APBB1IP: variants seen among roughly 807,000 people sequenced by gnomAD.
APBB1IP encodes the protein amyloid beta precursor protein binding family B member 1 interacting protein.
A neutral mutation model predicts 64.9 loss-of-function variants in APBB1IP; 27 were observed. The observed-to-expected ratio is 0.42, with a 90% CI of 0.31 to 0.57. APBB1IP has a LOEUF of 0.57. APBB1IP is among the 20% of genes least tolerant of loss of function. The pLI is 0.20. For missense variants in APBB1IP, 812 were observed against 845.5 expected, an observed-to-expected ratio of 0.96 and a Z score of 0.49; for synonymous variants, 392 against 331.0, an observed-to-expected ratio of 1.18 and a Z score of -2.00.
chr10:26,478,028 C>T (rs1304432118), intron 2 of APBB1IP, among the ~76,000 whole-genome samples: 1 of 152,212 alleles, frequency 6.6e-6, no homozygotes, highest in Non-Finnish European at 1.5e-5. Flanking sequence ...GAGAATCCAA[C>T]AGTGAACAAA....
chr10:26,547,055 A>T (rs893781892), intron 11 of APBB1IP, among the ~76,000 whole-genome samples: 2 of 152,152 alleles, frequency 1.3e-5, no homozygotes, highest in South Asian at 2.1e-4. Context: ...CCTTGTCAGC[A>T]TTTGCTATTT....
intron 11 of APBB1IP, among the ~76,000 whole-genome samples, chr10:26,555,603 T>C (rs1187184202): frequency 1.3e-5 from 2 of 152,168 alleles, no homozygotes; most frequent in African/African-American, 4.8e-5. Context: ...TTTTTGTTGT[T>C]TTTTTGTTTG....
chr10:26,499,438 G>C (rs10764626), intron 4 of APBB1IP, among the ~76,000 whole-genome samples: 43,882 of 152,012 alleles, frequency 0.29, 6,607 homozygotes, highest in East Asian at 0.55. Context: ...AGCATTACTG[G>C]AATATGCTGT....
chr10:26,504,863 T>C (rs1249407078), intron 6 of APBB1IP, among the ~76,000 whole-genome samples: 2 of 152,080 alleles, frequency 1.3e-5, no homozygotes, highest in African/African-American at 4.8e-5. Flanking sequence ...CAAGCAATCC[T>C]CCTCCCTCAG....
intron 7 of APBB1IP, 87 bp downstream of exon 7, chr10:26,511,993 T>C: frequency 7.1e-7 from 1 of 1,401,724 alleles, no homozygotes. Flanking sequence ...TTTTTTTCTC[T>C]TTAATTTTAT....
chr10:26,556,348 C>T (rs1486951825), intron 11 of APBB1IP, among the ~76,000 whole-genome samples: 1 of 152,210 alleles, frequency 6.6e-6, no homozygotes, highest in Non-Finnish European at 1.5e-5. Flanking sequence ...ATTTCTGCAT[C>T]ACCAAGGGAG....
intron 2 of APBB1IP, among the ~76,000 whole-genome samples, chr10:26,483,930 GTCTTT>G (rs974808393): frequency 6.6e-6 from 1 of 151,808 alleles, no homozygotes; most frequent in Non-Finnish European, 1.5e-5. Flanking sequence ...ATTCTGTTTT[GTCTTT>G]TCTTTTCATT....
intron 2 of APBB1IP, among the ~76,000 whole-genome samples, chr10:26,443,442 C>T (rs756942175): frequency 8.4e-6 from 1 of 118,644 alleles, no homozygotes; most frequent in Non-Finnish European, 1.7e-5. Context: ...AGCGAAACTC[C>T]ATCTCAAAAA....
At chr10:26,483,135 C>T (rs1330280554) in intron 2 of APBB1IP, among the ~76,000 whole-genome samples, 3 of 119,938 alleles carry the variant, frequency 2.5e-5, no homozygotes, top group Admixed American at 2.5e-4. Flanking sequence ...TACTAGGATA[C>T]AAACATTTTT....
Position 26,567,336 on chromosome 10 carries a change from G to A in APBB1IP, c.1849G>A (p.Ala617Thr), listed in dbSNP as rs7903226. The change falls in exon 15 of 15, where the codon GCC (alanine) becomes ACC (threonine). Residue 617 changes from alanine to threonine, a missense_variant. By Grantham distance (58) the Ala-to-Thr change is moderately conservative. Transcript: ENST00000376236. ...CGCGCCCGCCCCCGTCCCCGACTCC[G>A]CCAGGCCGCCCCCCGCGGTGGCCAA... ...APAPAPVPDS[A>T]RPPPAVAKRP... 8,959 of 1,380,342 alleles carry A rather than the reference G, an allele frequency of 6.5e-3. 489 individuals carry two copies. In the African/African-American group the frequency reaches 0.12, roughly 18 times the overall value. The allele number at this position is 1,380,342 out of a possible 1,614,324, so 85.5% of individuals were successfully genotyped here.
At chr10:26,566,908 T>C in intron 14 of APBB1IP, 53 bp from the exon 15 acceptor site, 1 of 1,497,834 alleles carries the variant, frequency 6.7e-7, no homozygotes, top group Non-Finnish European at 8.8e-7. Context: ...AACAATAAAT[T>C]TAAAATTTCA....
At chr10:26,462,270 A>G (rs937993232) in intron 2 of APBB1IP, among the ~76,000 whole-genome samples, 1 of 152,210 alleles carries the variant, frequency 6.6e-6, no homozygotes, top group African/African-American at 2.4e-5. Context: ...GTTAAGGACA[A>G]CCAAAACAAA....
chr10:26,490,025 A>G (rs1003433961), intron 2 of APBB1IP, among the ~76,000 whole-genome samples: 1 of 152,176 alleles, frequency 6.6e-6, no homozygotes, highest in Non-Finnish European at 1.5e-5. Flanking sequence ...ACTCCATCTC[A>G]AAAGAAGAAG....
chr10:26,511,748 T>A lies in APBB1IP; in HGVS notation c.533T>A (p.Leu178His), dbSNP rs1836262852. The change falls in exon 7 of 15, where the codon CTC becomes CAC. Residue 178 changes from leucine (L) to histidine (H), a missense_variant and splice_region_variant. Transcript: ENST00000376236. ...GCTGCCCCATGGTTCTATCCTCAGC[T>A]CGTCGTCAAGGTGCACATGAATGAT... The part of the protein sequence containing the change: ...EKLKEAKVKK[L>H]VVKVHMNDNS... The A allele has an allele frequency of 6.2e-7, 1 of 1,614,162 alleles. No homozygotes were observed.
At chr10:26,536,763 G>A (rs1414471510) in intron 10 of APBB1IP, among the ~76,000 whole-genome samples, 1 of 128,786 alleles carries the variant, frequency 7.8e-6, no homozygotes, top group Admixed American at 1.0e-4. Context: ...ATGCCACCAT[G>A]CCCAGCTGAT....
chr10:26,533,725 G>A (rs984066363), intron 9 of APBB1IP, among the ~76,000 whole-genome samples, 200 bp downstream of exon 9: 1 of 152,066 alleles, frequency 6.6e-6, no homozygotes. Context: ...GTTACAACAT[G>A]TGGCTTTAGA....
At chr10:26,480,620 CTTTTT>C (rs535190399) in intron 2 of APBB1IP, among the ~76,000 whole-genome samples, 12 of 83,952 alleles carry the variant, frequency 1.4e-4, no homozygotes, top group African/African-American at 4.9e-4. Flanking sequence ...TGAGCTGCTT[CTTTTT>C]TTTTTTTTTT....
chr10:26,506,738 C>T (rs994022225), intron 6 of APBB1IP, among the ~76,000 whole-genome samples: 4 of 152,192 alleles, frequency 2.6e-5, no homozygotes, highest in African/African-American at 7.2e-5. Flanking sequence ...AATGCATCCC[C>T]ATCTCTTAGA....
At chr10:26,528,541 A>G (rs904086762) in intron 8 of APBB1IP, among the ~76,000 whole-genome samples, 1 of 152,086 alleles carries the variant, frequency 6.6e-6, no homozygotes, top group African/African-American at 2.4e-5. Flanking sequence ...GAATTTTTGT[A>G]GTCTCTTATA....
Sources: gnomAD v4.1 joint callset for allele counts (sites outside exome capture counted in the v4.1 genomes callset) on GRCh38, gnomAD v4.1.1 for gene constraint, MANE v1.5 for transcripts, NCBI Gene and HGNC (gene_info 2026-07-23, HGNC 2026-07-21) for gene names.